MEGF11: variants seen among roughly 807,000 people sequenced by gnomAD.
MEGF11 encodes multiple EGF like domains 11.
MEGF11 carries 126 observed loss-of-function variants against 146.6 expected under a neutral mutation model. The observed-to-expected ratio is 0.86, with a 90% CI of 0.74 to 1.00. The LOEUF (loss-of-function observed/expected upper bound fraction) is 1.00. Among genes scored for constraint, MEGF11 ranks in the 50% least tolerant of loss-of-function variants. The probability of loss-of-function intolerance (pLI) is 0.00; values close to 1 mark genes in which losing one functional copy is unlikely to be tolerated. For synonymous variants in MEGF11, 532 were observed against 583.4 expected, an observed-to-expected ratio of 0.91 and a Z score of 1.27; for missense variants, 1,509 against 1,521.2, an observed-to-expected ratio of 0.99 and a Z score of 0.13.
chr15:66,238,491 G>A (rs1375348125), intron 1 of MEGF11, among the ~76,000 whole-genome samples: 2 of 152,210 alleles, frequency 1.3e-5, no homozygotes, highest in Non-Finnish European at 1.5e-5. Context: ...CAAAATCCCT[G>A]TAGTCTAGAG....
intron 5 of MEGF11, among the ~76,000 whole-genome samples, chr15:66,093,759 GGC>G (rs1338695104): frequency 6.6e-6 from 1 of 152,102 alleles, no homozygotes; most frequent in Non-Finnish European, 1.5e-5. Flanking sequence ...CCCTCTTGGT[GGC>G]CAGCCCCACA....
At chr15:66,139,283 GC>G (rs2089034661) in intron 1 of MEGF11, among the ~76,000 whole-genome samples, 1 of 152,158 alleles carries the variant, frequency 6.6e-6, no homozygotes, top group African/African-American at 2.4e-5. Context: ...CAGTACTGTG[GC>G]CGATCAAAAT....
intron 7 of MEGF11, among the ~76,000 whole-genome samples, chr15:65,978,939 C>G (rs2081542641): frequency 6.6e-6 from 1 of 151,180 alleles, no homozygotes; most frequent in Non-Finnish European, 1.5e-5. Flanking sequence ...ATTGACAGAC[C>G]AGTGGGATTC....
At chr15:66,058,117 G>GC (rs2084753015) in intron 5 of MEGF11, among the ~76,000 whole-genome samples, 1 of 152,250 alleles carries the variant, frequency 6.6e-6, no homozygotes, top group Non-Finnish European at 1.5e-5. Context: ...GTTCTCTGAT[G>GC]TTTTTTATTC....
intron 1 of MEGF11, among the ~76,000 whole-genome samples, chr15:66,136,284 C>T (rs534517616): frequency 2.2e-4 from 34 of 152,326 alleles, no homozygotes; most frequent in African/African-American, 7.9e-4. Context: ...TCCTTAGTTG[C>T]TGCCCACCTC....
At chr15:66,034,763 G>T (rs1320158091) in intron 5 of MEGF11, among the ~76,000 whole-genome samples, 1 of 152,104 alleles carries the variant, frequency 6.6e-6, no homozygotes, top group Non-Finnish European at 1.5e-5. Context: ...TTATGTGTTG[G>T]AAACAATCCC....
At chr15:66,098,912 T>G (rs2086662353) in intron 4 of MEGF11, among the ~76,000 whole-genome samples, 1 of 152,146 alleles carries the variant, frequency 6.6e-6, no homozygotes, top group African/African-American at 2.4e-5. Flanking sequence ...TACCACTCAT[T>G]CTTTACAGTT....
intron 5 of MEGF11, among the ~76,000 whole-genome samples, chr15:66,010,509 T>C (rs2082678498): frequency 6.6e-6 from 1 of 152,158 alleles, no homozygotes; most frequent in South Asian, 2.1e-4. Flanking sequence ...CATAATGTTT[T>C]AAGAAGGTAT....
At chr15:65,910,891 G>C (rs1179412874) in intron 21 of MEGF11, among the ~76,000 whole-genome samples, 1 of 152,204 alleles carries the variant, frequency 6.6e-6, no homozygotes, top group Non-Finnish European at 1.5e-5. Flanking sequence ...GCTCCCCACT[G>C]TTTTGTGTCT....
intron 15 of MEGF11, among the ~76,000 whole-genome samples, chr15:65,919,572 C>A (rs2079110175): frequency 6.6e-6 from 1 of 152,144 alleles, no homozygotes; most frequent in Non-Finnish European, 1.5e-5. Flanking sequence ...ACGAAGTGTA[C>A]ACGTGGTGTT....
intron 1 of MEGF11, among the ~76,000 whole-genome samples, chr15:66,141,748 A>C (rs1308423381): frequency 1.3e-5 from 2 of 152,190 alleles, no homozygotes; most frequent in Non-Finnish European, 2.9e-5. Context: ...GATGGGCTGC[A>C]GATGAGGATG....
intron 1 of MEGF11, among the ~76,000 whole-genome samples, chr15:66,215,843 T>C (rs1328431302): frequency 6.6e-6 from 1 of 152,208 alleles, no homozygotes; most frequent in Non-Finnish European, 1.5e-5. Context: ...TGGCTCCACA[T>C]TGGAAATTCA....
intron 13 of MEGF11, among the ~76,000 whole-genome samples, chr15:65,926,144 G>A (rs531826527): frequency 6.6e-6 from 1 of 152,310 alleles, no homozygotes; most frequent in African/African-American, 2.4e-5. Context: ...ATGGTGCTGG[G>A]CACAAGGTAG....
At chr15:66,186,214 G>T (rs2141171002) in intron 1 of MEGF11, among the ~76,000 whole-genome samples, 1 of 152,338 alleles carries the variant, frequency 6.6e-6, no homozygotes, top group East Asian at 1.9e-4. Context: ...GACCCTCCGG[G>T]AAGCAGAGAG....
In MEGF11 at chr15:65,915,540, G is replaced by A. The variant is rs1371120046; in HGVS notation, c.2403C>T (p.Asn801=). The part of the protein sequence containing the change: ...GCQQLCECMN[N]STCDHVTGTC... ...TGCCGGTGACATGGTCACAGGTGGA[G>A]TTGTTCATGCACTCACATAGCTGCT... The change falls in exon 19 of 26, where the codon AAC becomes AAT. Residue 801 remains asparagine, a synonymous_variant. Transcript: ENST00000395614. 1 of 1,613,862 alleles carries A rather than the reference G, an allele frequency of 6.2e-7. No homozygotes were observed. Among genetic ancestry groups the A allele is most frequent in the African/African-American group, 1.3e-5 (1 of 74,918 alleles).
At chr15:66,122,471 G>T (rs183971274) in intron 3 of MEGF11, among the ~76,000 whole-genome samples, 19 of 152,222 alleles carry the variant, frequency 1.2e-4, no homozygotes, top group South Asian at 1.0e-3. Context: ...CTATGTTGCC[G>T]CCCAGCATGA....
intron 1 of MEGF11, among the ~76,000 whole-genome samples, chr15:66,153,161 C>G (rs1412484662): frequency 6.6e-6 from 1 of 152,256 alleles, no homozygotes; most frequent in Admixed American, 6.5e-5. Flanking sequence ...CTCCCACACT[C>G]CCCACAGCAC....
intron 7 of MEGF11, 27 bp from the exon 8 acceptor site, chr15:65,970,716 T>C: frequency 3.1e-6 from 5 of 1,592,642 alleles, no homozygotes; most frequent in South Asian, 1.1e-5. Context: ...AAGACATGCA[T>C]GGCGGTGCTC....
At chr15:66,217,906 G>T (rs926059357) in intron 1 of MEGF11, among the ~76,000 whole-genome samples, 4 of 152,168 alleles carry the variant, frequency 2.6e-5, no homozygotes, top group African/African-American at 9.7e-5. Context: ...GAAGGGTCAG[G>T]TCCCTGTCCC....
Sources: allele counts gnomAD v4.1 joint callset (sites outside exome capture counted in the v4.1 genomes callset), GRCh38; gene constraint gnomAD v4.1.1; transcripts MANE v1.5; gene names NCBI Gene and HGNC (gene_info 2026-07-23, HGNC 2026-07-21).